Variants in CARM1 observed in about 807,000 individuals in gnomAD.
CARM1 encodes coactivator associated arginine methyltransferase 1, also known as histone-arginine methyltransferase CARM1.
CARM1 carries 14 observed loss-of-function variants against 72.7 expected under a neutral mutation model. That is an observed-to-expected ratio of 0.19 (90% confidence interval 0.13 to 0.30). The LOEUF is 0.30. Ranked by LOEUF, CARM1 falls within the 10% of genes least tolerant of loss-of-function variation. CARM1 has a pLI of 1.00. For missense variants in CARM1, 432 were observed against 833.7 expected, an observed-to-expected ratio of 0.52 and a Z score of 5.93; for synonymous variants, 333 against 345.5, an observed-to-expected ratio of 0.96 and a Z score of 0.40.
chr19:10,880,228 C>T (rs1185093865), intron 1 of CARM1, among the ~76,000 whole-genome samples: 1 of 152,216 alleles, frequency 6.6e-6, no homozygotes, highest in Non-Finnish European at 1.5e-5. Flanking sequence ...TCCAGGGAAG[C>T]AGCCACTTAA....
rs1206936699 is a variant in CARM1, at chr19:10,915,606, C to T, written c.848-801C>T. Among the ~76,000 whole-genome samples the T allele has an allele frequency of 6.6e-6, 1 of 152,156 alleles. No individual in the cohort carries two copies. Among genetic ancestry groups the T allele is most frequent in the Non-Finnish European group, 1.5e-5 (1 of 68,016 alleles). Reference sequence around the variant, plus strand: ...TGCATCTCCCTCCCCGTTCCAGCAGCTGCAGCCCTGCAGCTCTCGCCTCGG... The same window carrying T: ...TGCATCTCCCTCCCCGTTCCAGCAGTTGCAGCCCTGCAGCTCTCGCCTCGG... On this transcript the variant is annotated intron_variant, in intron 6 of 15. Coordinates refer to ENST00000327064, the MANE Select transcript of CARM1 (RefSeq NM_199141.2). The surrounding 1 kb of genome is among the most constrained non-coding windows in gnomAD (Gnocchi z 4.6).
chr19:10,912,849 G>A lies in CARM1; in HGVS notation c.669+555G>A, dbSNP rs1026678770. ...TTGCTTTAGCTGCATTGTGTCCGCA[G>A]CGACACTCAGACTCCTTCCAGGTCT... On this transcript the variant is annotated intron_variant, in intron 5 of 15. Coordinates refer to ENST00000327064, the MANE Select transcript of CARM1 (RefSeq NM_199141.2). This position sits in a 1 kb window ranked among gnomAD's most constrained non-coding sequence, Gnocchi z 4.5. Among the ~76,000 whole-genome samples the A allele has an allele frequency of 1.3e-5, 2 of 152,160 alleles. No individual in the cohort carries two copies. Among genetic ancestry groups the A allele is most frequent in the Non-Finnish European group, 2.9e-5 (2 of 68,036 alleles).
chr19:10,917,998 C>T (rs926031233), intron 8 of CARM1, among the ~76,000 whole-genome samples: 6 of 152,034 alleles, frequency 3.9e-5, no homozygotes, highest in Non-Finnish European at 8.8e-5. Context: ...AGGCGTGAGC[C>T]ACCATGCCCA....
intron 1 of CARM1, among the ~76,000 whole-genome samples, chr19:10,887,868 C>T (rs1026992799): frequency 5.9e-5 from 9 of 152,182 alleles, no homozygotes; most frequent in Non-Finnish European, 1.2e-4. Flanking sequence ...CTCTCTGGAG[C>T]GCCCCCCTGT....
At chr19:10,906,877 T>G (rs1343871084) in intron 2 of CARM1, among the ~76,000 whole-genome samples, 3 of 135,764 alleles carry the variant, frequency 2.2e-5, no homozygotes, top group African/African-American at 8.8e-5. Context: ...TTTATTTTAT[T>G]TTATTTTATT....
In CARM1 at chr19:10,878,186, A is replaced by G. The variant is rs918874057; in HGVS notation, c.220+6264A>G. ...AGACAAAGCTAAGAAAGGCTTTTAC[A>G]GTTTTTGAGAGATTGATTAGGGAAA... On this transcript the variant is annotated intron_variant, in intron 1 of 15. Coordinates refer to ENST00000327064, the MANE Select transcript of CARM1 (RefSeq NM_199141.2). Among the ~76,000 whole-genome samples, 6 of 152,220 alleles carry G rather than the reference A, an allele frequency of 3.9e-5. No homozygotes were observed. The East Asian group carries it at 1.2e-3, about 29-fold the overall frequency.
Position 10,876,429 on chromosome 19 carries a change from G to A in CARM1, c.220+4507G>A, listed in dbSNP as rs184430511. Among the ~76,000 whole-genome samples, 234 of 152,324 alleles carry A rather than the reference G, an allele frequency of 1.5e-3. 1 individual carries two copies. Among genetic ancestry groups the A allele is most frequent in the African/African-American group, 4.5e-3 (188 of 41,576 alleles). On this transcript the variant is annotated intron_variant, in intron 1 of 15. Coordinates refer to ENST00000327064, the MANE Select transcript of CARM1 (RefSeq NM_199141.2). ...GCCCCCTATGCTCCAGGGCTGCCCC[G>A]CTGTCTTGGCTCACCGGCCATGGGA...
intron 5 of CARM1, 70 bp from the exon 6 acceptor site, chr19:10,913,807 A>T: frequency 2.7e-6 from 4 of 1,495,184 alleles, no homozygotes; most frequent in African/African-American, 2.8e-5. Flanking sequence ...CTGTCCCTTG[A>T]GAGCAGGTCT....
intron 1 of CARM1, among the ~76,000 whole-genome samples, chr19:10,894,828 C>T (rs2074012932): frequency 6.6e-6 from 1 of 151,418 alleles, no homozygotes. Flanking sequence ...GCAGCCTTGA[C>T]CTCCCAGGCT....
rs773336609 is a variant in CARM1, at chr19:10,920,391, G to A, written c.1197-45G>A. The A allele has an allele frequency of 4.4e-6, 7 of 1,584,970 alleles. No homozygotes were observed. Among genetic ancestry groups the A allele is most frequent in the Non-Finnish European group, 6.0e-6 (7 of 1,160,642 alleles). ...AGGCATACAAGGTGGTGGCTCCAGT[G>A]GTGGCGCCGGCCCAGTCAAGTATGT... is the stretch of plus-strand genomic sequence containing the variant. On this transcript the variant is annotated intron_variant, in intron 10 of 15. Coordinates refer to ENST00000327064, the MANE Select transcript of CARM1 (RefSeq NM_199141.2). This position sits in a 1 kb window ranked among gnomAD's most constrained non-coding sequence, Gnocchi z 5.3.
At chr19:10,899,142 G>C in intron 1 of CARM1, among the ~76,000 whole-genome samples, 1 of 152,078 alleles carries the variant, frequency 6.6e-6, no homozygotes, top group African/African-American at 2.4e-5. Context: ...CGGCTCCGCG[G>C]GCTTTAGCAG....
At chr19:10,903,452 A>G (rs897759518) in intron 1 of CARM1, among the ~76,000 whole-genome samples, 1 of 152,200 alleles carries the variant, frequency 6.6e-6, no homozygotes, top group Non-Finnish European at 1.5e-5. Flanking sequence ...ATACTTCCGC[A>G]TATGTTTTCT....
chr19:10,907,089 T>C (rs944592203), intron 2 of CARM1, among the ~76,000 whole-genome samples: 1 of 150,810 alleles, frequency 6.6e-6, no homozygotes, highest in African/African-American at 2.4e-5. Flanking sequence ...GTATTTTTAA[T>C]AGAGACAGGG....
intron 6 of CARM1, among the ~76,000 whole-genome samples, chr19:10,914,712 C>T (rs1269127068): frequency 1.3e-5 from 2 of 152,326 alleles, no homozygotes; most frequent in South Asian, 2.1e-4. Flanking sequence ...TGCACCACCA[C>T]GCCCAGCTAA....
intron 1 of CARM1, among the ~76,000 whole-genome samples, chr19:10,876,099 G>A (rs1173128213): frequency 6.6e-6 from 1 of 150,726 alleles, no homozygotes; most frequent in East Asian, 2.0e-4. Context: ...GGCTGGTCTC[G>A]AACTCCTGAC....
intron 1 of CARM1, among the ~76,000 whole-genome samples, chr19:10,886,973 C>T (rs1344612614): frequency 2.0e-5 from 3 of 152,136 alleles, no homozygotes; most frequent in Admixed American, 1.3e-4. Flanking sequence ...CCTCGGTGTC[C>T]CGAGGAGCTG....
intron 1 of CARM1, among the ~76,000 whole-genome samples, chr19:10,876,001 G>C (rs2073861793): frequency 6.6e-6 from 1 of 151,744 alleles, no homozygotes; most frequent in East Asian, 1.9e-4. Flanking sequence ...CAAAGTCCTG[G>C]GATTACAGGG....
rs576407368 is a variant in CARM1, at chr19:10,876,408, C to T, written c.220+4486C>T. 1.7e-4 allele frequency among the ~76,000 whole-genome samples: 26 copies of T among 152,330 alleles called. 1 individual carries two copies. The South Asian group carries it at 5.0e-3, about 29-fold the overall frequency. On this transcript the variant is annotated intron_variant, in intron 1 of 15. Coordinates refer to ENST00000327064, the MANE Select transcript of CARM1 (RefSeq NM_199141.2). ...GAGCTAGCTTTTCTAGGAGGAGCCC[C>T]CTATGCTCCAGGGCTGCCCCGCTGT...
Position 10,912,369 on chromosome 19 carries a change from T to G in CARM1, c.669+75T>G, listed in dbSNP as rs748479943. On this transcript the variant is annotated intron_variant, in intron 5 of 15. Transcript: ENST00000327064. This position sits in a 1 kb window ranked among gnomAD's most constrained non-coding sequence, Gnocchi z 4.5. Reference sequence around the variant, plus strand: ...CATGCCGGCCCCAGCCTAGAGAAGCTTGGGAACCCCCAGGGGCCTGGGGAC... The same window carrying G: ...CATGCCGGCCCCAGCCTAGAGAAGCGTGGGAACCCCCAGGGGCCTGGGGAC... 17 of 1,115,858 alleles carry G rather than the reference T, an allele frequency of 1.5e-5. No individual in the cohort carries two copies. In the South Asian group the frequency reaches 2.1e-4, roughly 14 times the overall value. The allele number at this position is 1,115,858 out of a possible 1,614,324, so 69.1% of individuals were successfully genotyped here.
Sources: allele counts gnomAD v4.1 joint callset (sites outside exome capture counted in the v4.1 genomes callset), GRCh38; gene constraint gnomAD v4.1.1; non-coding constraint Gnocchi (gnomAD v3.1); transcripts MANE v1.5; gene names NCBI Gene and HGNC (gene_info 2026-07-23, HGNC 2026-07-21).